The following LAMA2 variants were observed in gnomAD, a reference collection of about 807,000 sequenced individuals.
LAMA2 encodes the protein laminin subunit alpha-2.
LAMA2 carries 269 observed loss-of-function variants against 364.8 expected under a neutral mutation model. The ratio of observed to expected loss-of-function variants is 0.74; its 90% confidence interval spans 0.67 to 0.82. The LOEUF is 0.82. Ranked by LOEUF, LAMA2 falls within the 40% of genes least tolerant of loss-of-function variation. The pLI is 0.00. For missense variants in LAMA2, 3,807 were observed against 3,873.2 expected (o/e 0.98, Z 0.45); for synonymous variants, 1,379 against 1,370.6 (o/e 1.01, Z -0.14).
intron 3 of LAMA2, among the ~76,000 whole-genome samples, chr6:129,084,785 G>A (rs1774273352): frequency 6.6e-6 from 1 of 152,076 alleles, no homozygotes; most frequent in South Asian, 2.1e-4. Flanking sequence ...CCTCTAATAA[G>A]GCTTTGCCAA....
chr6:129,043,104 A>G (rs1451949096), intron 1 of LAMA2, among the ~76,000 whole-genome samples: 1 of 152,182 alleles, frequency 6.6e-6, no homozygotes, highest in Admixed American at 6.5e-5. Flanking sequence ...GCTAATTTAC[A>G]TTCCCAACAG....
At chr6:129,205,575 A>G (rs1274363995) in intron 12 of LAMA2, among the ~76,000 whole-genome samples, 2 of 151,320 alleles carry the variant, frequency 1.3e-5, no homozygotes, top group Non-Finnish European at 2.9e-5. Context: ...CATTCCAGAA[A>G]TGTTTGTAAT....
Position 128,957,294 on chromosome 6 carries a change from G to A in LAMA2, c.112+73937G>A, listed in dbSNP as rs1008398430. ...ATTTATAAACCACTAAATCTTACAG[G>A]TTTAATACTCAAAACTCCTCTTGTC... is the stretch of plus-strand genomic sequence containing the variant. On this transcript the variant is annotated intron_variant, in intron 1 of 64. Transcript: ENST00000421865. 2.0e-5 allele frequency among the ~76,000 whole-genome samples: 3 copies of A among 152,076 alleles called. No individual in the cohort carries two copies. In the South Asian group the frequency reaches 6.2e-4, roughly 31 times the overall value.
At chr6:128,895,604 C>T (rs1426928516) in intron 1 of LAMA2, among the ~76,000 whole-genome samples, 4 of 151,968 alleles carry the variant, frequency 2.6e-5, no homozygotes, top group African/African-American at 7.2e-5. Flanking sequence ...GCCGAGATTG[C>T]GCCACTGCAC....
intron 63 of LAMA2, among the ~76,000 whole-genome samples, chr6:129,512,931 G>A (rs1052339027): frequency 6.6e-6 from 1 of 152,042 alleles, no homozygotes; most frequent in Non-Finnish European, 1.5e-5. Flanking sequence ...GCCAACTGAC[G>A]CATCAGTTTC....
chr6:129,503,225 G>C lies in LAMA2; in HGVS notation c.8492G>C (p.Ser2831Thr), dbSNP rs765680063. The change falls in exon 60 of 65, where the codon AGT (serine) becomes ACT (threonine). Residue 2831 changes from serine (S) to threonine (T), a missense_variant. Physicochemically the swap from Ser to Thr is moderately conservative, Grantham distance 58. Around this residue, in one of 3 missense-constraint regions of LAMA2, gnomAD observed 3,333 missense variants for 3,345.7 expected, o/e 1.00. Transcript: ENST00000421865. ...GLPYFSYDLG[S>T]GDTHTMIPTK... Reference sequence around the variant, plus strand: ...CCCTACTTCAGCTATGACTTGGGGAGTGGGGACACCCACACCATGATCCCC... The same window carrying C: ...CCCTACTTCAGCTATGACTTGGGGACTGGGGACACCCACACCATGATCCCC... The C allele has an allele frequency of 1.2e-6, 2 of 1,614,122 alleles. No individual in the cohort carries two copies. The highest frequency in any genetic ancestry group is 4.5e-5 in the East Asian group (2 of 44,866).
chr6:128,925,069 A>G (rs1779001014), intron 1 of LAMA2, among the ~76,000 whole-genome samples: 1 of 152,224 alleles, frequency 6.6e-6, no homozygotes, highest in Admixed American at 6.5e-5. Flanking sequence ...GTTGATGGGA[A>G]TATAAAATGG....
At chr6:128,996,499 T>C (rs1012474425) in intron 1 of LAMA2, among the ~76,000 whole-genome samples, 5 of 152,188 alleles carry the variant, frequency 3.3e-5, no homozygotes, top group Non-Finnish European at 7.3e-5. Context: ...AGAAGACATT[T>C]ATGTGGCCAA....
intron 1 of LAMA2, among the ~76,000 whole-genome samples, chr6:128,883,844 A>G (rs981626180): frequency 1.3e-5 from 2 of 151,344 alleles, no homozygotes; most frequent in Admixed American, 6.6e-5. Context: ...ACATATATAT[A>G]TATATAAAGT....
In LAMA2 at chr6:129,190,285, T is replaced by C. The variant is rs1433294932; in HGVS notation, c.1548T>C (p.Asp516=). ...AAGAGGATAATTGGAAAGGCTGCGA[T>C]GAGTGTTTCTGTTCAGGGGTTTCAA... ...NLQEDNWKGC[D]ECFCSGVSNR... is the part of the protein sequence containing the mutation. Residue 516 remains aspartate, a synonymous_variant, in exon 11 of 65, where the codon GAT becomes GAC. Transcript: ENST00000421865. The C allele has an allele frequency of 1.9e-6, 3 of 1,613,722 alleles. No individual in the cohort carries two copies. The highest frequency in any genetic ancestry group is 2.5e-6 in the Non-Finnish European group (3 of 1,179,656).
At chr6:128,997,252 T>G (rs1217249351) in intron 1 of LAMA2, among the ~76,000 whole-genome samples, 1 of 150,570 alleles carries the variant, frequency 6.6e-6, no homozygotes, top group African/African-American at 2.5e-5. Context: ...CCTGCACATT[T>G]TGCACATGTA....
intron 18 of LAMA2, among the ~76,000 whole-genome samples, chr6:129,284,731 C>G: frequency 6.6e-6 from 1 of 152,024 alleles, no homozygotes; most frequent in East Asian, 1.9e-4. Flanking sequence ...GTCTGCACGT[C>G]CGCTCTTTTT....
At chr6:129,209,735 G>A (rs565075395) in intron 12 of LAMA2, among the ~76,000 whole-genome samples, 5 of 152,050 alleles carry the variant, frequency 3.3e-5, no homozygotes, top group Non-Finnish European at 7.4e-5. Flanking sequence ...CGGGCGCGGT[G>A]GCTCACGCCT....
rs187911228 is a variant in LAMA2 at position 129,255,362 on chromosome 6, C to T, written c.2096+3067C>T. On this transcript the variant is annotated intron_variant, in intron 14 of 64. Transcript: ENST00000421865. ...TGGAGGTTGCAGTGAGCCGAGATCG[C>T]GCCATTGCACTCCAGCCTGGGTGAC... Among the ~76,000 whole-genome samples, 86 of 136,346 alleles carry T rather than the reference C, an allele frequency of 6.3e-4. 2 individuals are homozygous for T. The East Asian group carries it at 0.016, about 25-fold the overall frequency. The allele number at this position is 136,346 out of a possible 152,430, so 89.4% of individuals were successfully genotyped here. A position where few individuals can be genotyped will look rare whatever the true frequency, so the allele number is the denominator to read the frequency against.
intron 48 of LAMA2, among the ~76,000 whole-genome samples, chr6:129,459,797 T>A (rs1783154458): frequency 6.6e-6 from 1 of 152,076 alleles, no homozygotes; most frequent in Non-Finnish European, 1.5e-5. Flanking sequence ...ACCTTCTGTA[T>A]ATCAGGCACT....
At chr6:129,381,113 T>C (rs938276710) in intron 34 of LAMA2, among the ~76,000 whole-genome samples, 3 of 152,212 alleles carry the variant, frequency 2.0e-5, no homozygotes, top group Non-Finnish European at 4.4e-5. Flanking sequence ...AAAAAGAATA[T>C]ATTTTAAGTT....
intron 12 of LAMA2, among the ~76,000 whole-genome samples, chr6:129,219,659 GA>G (rs1466304952): frequency 6.9e-6 from 1 of 144,102 alleles, no homozygotes; most frequent in African/African-American, 2.6e-5. Flanking sequence ...AAAAAATGAT[GA>G]GTTCATGTCC....
intron 1 of LAMA2, among the ~76,000 whole-genome samples, chr6:128,985,565 C>T (rs913025062): frequency 6.6e-6 from 1 of 151,958 alleles, no homozygotes; most frequent in African/African-American, 2.4e-5. Context: ...TCTTCCAATG[C>T]CTTAAAAATG....
At chr6:129,364,508 A>G (rs1777649672) in intron 32 of LAMA2, among the ~76,000 whole-genome samples, 1 of 152,216 alleles carries the variant, frequency 6.6e-6, no homozygotes, top group Non-Finnish European at 1.5e-5. Flanking sequence ...TGGCGTGCAG[A>G]TACACCTCAT....
Sources: gnomAD v4.1 joint callset for allele counts (sites outside exome capture counted in the v4.1 genomes callset) on GRCh38, gnomAD v4.1.1 for gene constraint, gnomAD v4.1.1 regional missense constraint, MANE v1.5 for transcripts, NCBI Gene and HGNC (gene_info 2026-07-23, HGNC 2026-07-21) for gene names.